Variants in CEMIP2 observed in about 807,000 individuals in gnomAD.
CEMIP2 encodes the protein cell migration inducing hyaluronidase 2.
CEMIP2 carries 79 observed loss-of-function variants against 146.9 expected under a neutral mutation model. The observed-to-expected ratio is 0.54, with a 90% CI of 0.45 to 0.65. CEMIP2 has a LOEUF of 0.65. Among genes scored for constraint, CEMIP2 ranks in the 30% least tolerant of loss-of-function variants. CEMIP2 has a pLI of 0.00. For synonymous variants in CEMIP2, 601 were observed against 606.3 expected, an observed-to-expected ratio of 0.99 and a Z score of 0.13; for missense variants, 1,596 against 1,696.2, an observed-to-expected ratio of 0.94 and a Z score of 1.04.
intron 12 of CEMIP2, among the ~76,000 whole-genome samples, chr9:71,719,546 G>C (rs910185499): frequency 1.1e-4 from 16 of 152,120 alleles, no homozygotes; most frequent in Non-Finnish European, 1.3e-4. Context: ...ATGGATTATA[G>C]AGAATGGACT....
At chr9:71,728,219 CTCTCTCTCTCTCTA>C (rs1299759673) in intron 10 of CEMIP2, among the ~76,000 whole-genome samples, 1 of 32,858 alleles carries the variant, frequency 3.0e-5, no homozygotes, top group Non-Finnish European at 7.1e-5. Flanking sequence ...CTCTCTCTCT[CTCTCTCTCTCTCTA>C]TATATATATA....
chr9:71,731,104 A>G, intron 7 of CEMIP2, 190 bp from the exon 8 acceptor site: 1 of 605,224 alleles, frequency 1.7e-6, no homozygotes. Flanking sequence ...AATACTTTAA[A>G]GAGCCACAAA....
At chr9:71,686,222 A>C (rs112643102) in intron 22 of CEMIP2, 22 of 183,958 alleles carry the variant, frequency 1.2e-4, no homozygotes, top group African/African-American at 4.7e-4. Flanking sequence ...CACTTGCATT[A>C]CAGCCTGAGC....
chr9:71,720,937 AC>A (rs1417995446), intron 12 of CEMIP2, among the ~76,000 whole-genome samples: 2 of 152,106 alleles, frequency 1.3e-5, no homozygotes, highest in Non-Finnish European at 2.9e-5. Context: ...ACATACACAC[AC>A]CTAGTAAGGA....
At chr9:71,729,983 C>G in intron 9 of CEMIP2, 65 bp downstream of exon 9, 1 of 1,613,084 alleles carries the variant, frequency 6.2e-7, no homozygotes, top group Non-Finnish European at 8.5e-7. Context: ...AAACTTCCCC[C>G]AAAACCTCTT....
intron 5 of CEMIP2, among the ~76,000 whole-genome samples, chr9:71,739,358 TCTCA>T: frequency 2.0e-5 from 1 of 49,322 alleles, no homozygotes; most frequent in Non-Finnish European, 3.7e-5. Flanking sequence ...TGAGACTCTG[TCTCA>T]AAAAAAAAAA....
intron 19 of CEMIP2, among the ~76,000 whole-genome samples, chr9:71,700,254 A>C (rs1355121888): frequency 6.6e-6 from 1 of 152,220 alleles, no homozygotes; most frequent in Non-Finnish European, 1.5e-5. Context: ...CTCAAGGTCA[A>C]CTTGTAAGAT....
At chr9:71,755,320 G>A (rs1369044701) in intron 1 of CEMIP2, among the ~76,000 whole-genome samples, 1 of 140,714 alleles carries the variant, frequency 7.1e-6, no homozygotes, top group African/African-American at 2.8e-5. Flanking sequence ...AGACCAGCCT[G>A]GGAACCTAGT....
intron 17 of CEMIP2, among the ~76,000 whole-genome samples, chr9:71,707,755 G>A (rs988304872): frequency 2.0e-5 from 3 of 152,188 alleles, no homozygotes; most frequent in East Asian, 1.9e-4. Flanking sequence ...ACATCTAGCA[G>A]CAAATCAAAG....
chr9:71,707,165 C>T (rs952604487), intron 17 of CEMIP2, among the ~76,000 whole-genome samples: 5 of 152,070 alleles, frequency 3.3e-5, no homozygotes, highest in East Asian at 1.9e-4. Flanking sequence ...AGTTCTAGAA[C>T]GTCTATAGTT....
chr9:71,688,422 G>A (rs1476601004), intron 22 of CEMIP2, among the ~76,000 whole-genome samples: 2 of 151,586 alleles, frequency 1.3e-5, no homozygotes, highest in Non-Finnish European at 2.9e-5. Flanking sequence ...ACAGAGTCGC[G>A]CTCTGTTGCT....
intron 7 of CEMIP2, among the ~76,000 whole-genome samples, chr9:71,731,972 G>T (rs1220787040): frequency 6.6e-6 from 1 of 152,036 alleles, no homozygotes; most frequent in Non-Finnish European, 1.5e-5. Context: ...TGCTAGTATT[G>T]CTAACCCTTT....
intron 16 of CEMIP2, 140 bp downstream of exon 16, chr9:71,711,943 A>AT (rs1822917400): frequency 2.4e-6 from 2 of 823,736 alleles, no homozygotes; most frequent in Non-Finnish European, 1.9e-6. Context: ...AGTGCATGGA[A>AT]TTAGGAGCTG....
intron 7 of CEMIP2, among the ~76,000 whole-genome samples, chr9:71,731,304 G>A (rs1413576664): frequency 6.6e-6 from 1 of 152,136 alleles, no homozygotes; most frequent in African/African-American, 2.4e-5. Flanking sequence ...GTTTTAGTTA[G>A]CACATAATAT....
At chr9:71,753,346 G>A (rs1240217866) in intron 1 of CEMIP2, among the ~76,000 whole-genome samples, 1 of 152,134 alleles carries the variant, frequency 6.6e-6, no homozygotes, top group Non-Finnish European at 1.5e-5. Flanking sequence ...AAAGGCATGA[G>A]AGGCTAAATG....
chr9:71,728,627 T>A (rs1232982767), intron 10 of CEMIP2, among the ~76,000 whole-genome samples: 1 of 152,000 alleles, frequency 6.6e-6, no homozygotes, highest in African/African-American at 2.4e-5. Flanking sequence ...TAAAAATTAT[T>A]CTCATGTGTG....
In CEMIP2 at chr9:71,685,322, C is replaced by T; in HGVS notation, c.4027G>A (p.Gly1343Arg). 1 of 1,605,494 alleles carries T rather than the reference C, an allele frequency of 6.2e-7. No individual in the cohort carries two copies. Among genetic ancestry groups the T allele is most frequent in the Non-Finnish European group, 8.5e-7 (1 of 1,179,092 alleles). Reference protein sequence around the residue: ...SWTKLFTSPAGQGLGVLEQFI... With the variant: ...SWTKLFTSPARQGLGVLEQFI... The stretch of plus-strand genomic sequence containing the variant: ...TGTTCAAGCACCCCAAGGCCCTGTC[C>T]AGCAGGACTGGTAAATAGCTTAGTC... The change falls in exon 24 of 24, where the codon GGA (glycine) becomes AGA (arginine). Residue 1343 changes from glycine to arginine, a missense_variant. Gly to Arg is a moderately radical substitution (Grantham distance 125). Transcript: ENST00000377044.
At chr9:71,753,038 A>AC (rs11387823) in intron 1 of CEMIP2, among the ~76,000 whole-genome samples, 152,247 of 152,304 alleles carry the variant, frequency 1, 76,095 homozygotes, top group Middle Eastern at 1. Flanking sequence ...CAAGCAGCAG[A>AC]CAAAAATAAT....
chr9:71,755,977 A>AAAC (rs1824427322), intron 1 of CEMIP2, among the ~76,000 whole-genome samples: 1 of 113,976 alleles, frequency 8.8e-6, no homozygotes, highest in African/African-American at 2.7e-5. Context: ...AAAAAAAAAA[A>AAAC]AAAAAAAAAA....
Sources: gnomAD v4.1 joint callset for allele counts (sites outside exome capture counted in the v4.1 genomes callset) on GRCh38, gnomAD v4.1.1 for gene constraint, MANE v1.5 for transcripts, NCBI Gene and HGNC (gene_info 2026-07-23, HGNC 2026-07-21) for gene names.